The following RGS7BP variants were observed in gnomAD, a reference collection of about 807,000 sequenced individuals.
RGS7BP encodes the protein regulator of G protein signaling 7-binding protein.
Under a neutral mutation model 31.3 loss-of-function variants are expected in RGS7BP, and 9 were observed. That is an observed-to-expected ratio of 0.29 (90% CI 0.17 to 0.50). RGS7BP has a LOEUF of 0.50. RGS7BP is among the 20% of genes least tolerant of loss of function. RGS7BP has a pLI of 0.98. For missense variants in RGS7BP, 274 were observed against 322.0 expected, an observed-to-expected ratio of 0.85 and a Z score of 1.14; for synonymous variants, 115 against 120.1, an observed-to-expected ratio of 0.96 and a Z score of 0.28.
intron 2 of RGS7BP, among the ~76,000 whole-genome samples, chr5:64,568,850 G>T: frequency 6.7e-6 from 1 of 149,214 alleles, no homozygotes; most frequent in South Asian, 2.1e-4. Flanking sequence ...AAAAAAAAGT[G>T]AATAAAGTGC....
At chr5:64,535,208 C>T (rs576612805) in intron 2 of RGS7BP, among the ~76,000 whole-genome samples, 1 of 152,098 alleles carries the variant, frequency 6.6e-6, no homozygotes, top group South Asian at 2.1e-4. Context: ...GGCTATTGGC[C>T]CATCTACCAA....
chr5:64,567,181 A>G (rs1012590915), intron 2 of RGS7BP, among the ~76,000 whole-genome samples: 1 of 146,896 alleles, frequency 6.8e-6, no homozygotes, highest in African/African-American at 2.5e-5. Context: ...ATTAGTATGT[A>G]GTGTGGACCA....
chr5:64,569,748 C>A (rs1742260960), intron 2 of RGS7BP, among the ~76,000 whole-genome samples: 1 of 152,112 alleles, frequency 6.6e-6, no homozygotes. Context: ...TAAATGGAAT[C>A]CATTTGAGAG....
intron 2 of RGS7BP, among the ~76,000 whole-genome samples, chr5:64,524,067 A>G (rs1749174384): frequency 6.6e-6 from 1 of 152,180 alleles, no homozygotes; most frequent in South Asian, 2.1e-4. Context: ...ACCTACTTTC[A>G]TGTTATTTAT....
chr5:64,544,031 G>A (rs73763607), intron 2 of RGS7BP, among the ~76,000 whole-genome samples: 7,396 of 152,228 alleles, frequency 0.049, 588 homozygotes, highest in African/African-American at 0.17. Context: ...TGGATTTACC[G>A]ATCTCTGTTA....
intron 2 of RGS7BP, among the ~76,000 whole-genome samples, chr5:64,546,409 G>C (rs1741660369): frequency 6.6e-6 from 1 of 152,080 alleles, no homozygotes; most frequent in African/African-American, 2.4e-5. Context: ...CAGAAGCAAG[G>C]AGTAGAGAAT....
In RGS7BP at chr5:64,611,793, C is replaced by G. The variant is rs1475717957; in HGVS notation, c.*2541C>G. On this transcript the variant is annotated 3_prime_UTR_variant, in exon 6 of 6. Coordinates refer to ENST00000334025, the MANE Select transcript of RGS7BP (RefSeq NM_001029875.3). Reference sequence around the variant, plus strand: ...CCCAAGGTTACAGTAGGTAATTCACCGTCTCACATTAGACAGGCCAATGCA... The same window carrying G: ...CCCAAGGTTACAGTAGGTAATTCACGGTCTCACATTAGACAGGCCAATGCA... 6.6e-6 allele frequency: 1 copy of G among 152,084 alleles called. No homozygotes were observed. Among genetic ancestry groups the G allele is most frequent in the African/African-American group, 2.4e-5 (1 of 41,370 alleles). The allele number at this position is 152,084 out of a possible 1,614,324, so 9.4% of individuals were successfully genotyped here.
chr5:64,506,518 C>G lies in RGS7BP; in HGVS notation c.-107C>G. Reference sequence around the variant, plus strand: ...AGCCCCAGCACTGTGAGCTGCGCGCCTCAGGTCCGGGCTCCGGCTGCTTGG... The same window carrying G: ...AGCCCCAGCACTGTGAGCTGCGCGCGTCAGGTCCGGGCTCCGGCTGCTTGG... On this transcript the variant is annotated 5_prime_UTR_variant, in exon 1 of 6. Transcript: ENST00000334025. This position sits in a 1 kb window ranked among gnomAD's most constrained non-coding sequence, Gnocchi z 4.6. 1 of 985,828 alleles carries G rather than the reference C, an allele frequency of 1.0e-6. No individual in the cohort carries two copies. Among genetic ancestry groups the G allele is most frequent in the East Asian group, 2.6e-5 (1 of 38,958 alleles). 61.1% of individuals were successfully genotyped at this position (985,828 alleles called of 1,614,324 possible).
At chr5:64,509,633 G>A (rs1052037623) in intron 2 of RGS7BP, among the ~76,000 whole-genome samples, 9 of 151,968 alleles carry the variant, frequency 5.9e-5, no homozygotes, top group Non-Finnish European at 8.8e-5. Flanking sequence ...TAATCCTCCC[G>A]CCTCAGGCTC....
intron 2 of RGS7BP, among the ~76,000 whole-genome samples, chr5:64,512,153 G>T (rs1323786293): frequency 6.6e-6 from 1 of 152,218 alleles, no homozygotes; most frequent in African/African-American, 2.4e-5. Context: ...TGCTTCTGTG[G>T]TGTCTGTGTT....
chr5:64,568,167 G>A (rs1742215310), intron 2 of RGS7BP, among the ~76,000 whole-genome samples: 1 of 152,024 alleles, frequency 6.6e-6, no homozygotes, highest in East Asian at 1.9e-4. Context: ...CTATATTCGT[G>A]GAGAAGGGCT....
intron 2 of RGS7BP, among the ~76,000 whole-genome samples, chr5:64,543,746 G>C (rs1456863753): frequency 6.6e-6 from 1 of 152,218 alleles, no homozygotes; most frequent in East Asian, 1.9e-4. Context: ...CATGTTCCCA[G>C]GGGCTGCTGT....
intron 2 of RGS7BP, among the ~76,000 whole-genome samples, chr5:64,543,006 A>C (rs1181102057): frequency 1.3e-5 from 2 of 152,194 alleles, no homozygotes; most frequent in Non-Finnish European, 2.9e-5. Flanking sequence ...TGAGCCATAC[A>C]AGGAGGCATA....
intron 4 of RGS7BP, among the ~76,000 whole-genome samples, chr5:64,595,478 T>C (rs1391923768): frequency 1.3e-5 from 2 of 152,150 alleles, no homozygotes; most frequent in Non-Finnish European, 2.9e-5. Context: ...GAGAGGCAGT[T>C]TCTTTCTTGA....
Position 64,506,939 on chromosome 5 carries a change from C to A in RGS7BP, c.165+150C>A. 1 of 705,224 alleles carries A rather than the reference C, an allele frequency of 1.4e-6. No individual in the cohort carries two copies. The highest frequency in any genetic ancestry group is 2.3e-6 in the Non-Finnish European group (1 of 434,228). 43.7% of individuals were successfully genotyped at this position (705,224 alleles called of 1,614,324 possible). ...CGTGGCACATGCACTATTTTTAAAT[C>A]TGCAGTCCCCCAAATTCAGGGTGAC... On this transcript the variant is annotated intron_variant, in intron 1 of 5. Coordinates refer to ENST00000334025, the MANE Select transcript of RGS7BP (RefSeq NM_001029875.3). The surrounding 1 kb of genome is among the most constrained non-coding windows in gnomAD (Gnocchi z 4.6).
intron 5 of RGS7BP, 91 bp downstream of exon 5, chr5:64,598,526 CACAA>C: frequency 1.2e-6 from 1 of 827,622 alleles, no homozygotes; most frequent in Non-Finnish European, 2.1e-6. Context: ...ATGTGTCTCA[CACAA>C]ACAGTAGAAG....
intron 3 of RGS7BP, among the ~76,000 whole-genome samples, chr5:64,591,038 G>A (rs1742901196): frequency 6.6e-6 from 1 of 152,008 alleles, no homozygotes; most frequent in Non-Finnish European, 1.5e-5. Flanking sequence ...AGTACTAAAA[G>A]ACATAAAAGA....
At chr5:64,547,742 G>A (rs932405556) in intron 2 of RGS7BP, among the ~76,000 whole-genome samples, 2 of 152,120 alleles carry the variant, frequency 1.3e-5, no homozygotes, top group African/African-American at 2.4e-5. Flanking sequence ...CTTCCATGAT[G>A]ATGGAAGTTT....
At chr5:64,523,090 A>G (rs1192017424) in intron 2 of RGS7BP, among the ~76,000 whole-genome samples, 3 of 152,136 alleles carry the variant, frequency 2.0e-5, no homozygotes, top group African/African-American at 7.2e-5. Flanking sequence ...GAGATAAAGG[A>G]ATGTAGTTGA....
Sources: allele counts gnomAD v4.1 joint callset (sites outside exome capture counted in the v4.1 genomes callset), GRCh38; gene constraint gnomAD v4.1.1; non-coding constraint Gnocchi (gnomAD v3.1); transcripts MANE v1.5; gene names NCBI Gene and HGNC (gene_info 2026-07-23, HGNC 2026-07-21).